The following DIAPH3 variants were observed in gnomAD, a reference collection of about 807,000 sequenced individuals.
DIAPH3 encodes the protein diaphanous related formin 3.
DIAPH3 carries 117 observed loss-of-function variants against 144.3 expected under a neutral mutation model. The ratio of observed to expected loss-of-function variants is 0.81; its 90% CI spans 0.70 to 0.95. The LOEUF (loss-of-function observed/expected upper bound fraction) is 0.95, where lower values mean the gene tolerates loss of function less well. Ranked by LOEUF, DIAPH3 falls within the 40% of genes least tolerant of loss-of-function variation. The probability of loss-of-function intolerance (pLI) is 0.00; values close to 1 mark genes in which losing one functional copy is unlikely to be tolerated. For missense variants in DIAPH3, 1,421 were observed against 1,412.7 expected, an observed-to-expected ratio of 1.01 and a Z score of -0.09; for synonymous variants, 519 against 488.9, an observed-to-expected ratio of 1.06 and a Z score of -0.81.
rs558447209 is a variant in DIAPH3 at position 59,822,141 on chromosome 13, AATAG to A, written c.3027+10962_3027+10965del. On this transcript the variant is annotated intron_variant, in intron 24 of 27. Coordinates refer to ENST00000400324, the MANE Select transcript of DIAPH3 (RefSeq NM_001042517.2). ...TACTTCAACCTATTCACATTTCTTTAATAGATAAAGTATAAGATGTTTGTAATAA... is the reference window on the plus strand; with the variant it reads ...TACTTCAACCTATTCACATTTCTTTAATAAAGTATAAGATGTTTGTAATAA... Among the ~76,000 whole-genome samples, 197 of 152,278 alleles carry A rather than the reference AATAG, an allele frequency of 1.3e-3. 1 individual carries two copies. Among genetic ancestry groups the A allele is most frequent in the Admixed American group, 0.011 (164 of 15,284 alleles).
chr13:59,762,143 C>A (rs1463925980), intron 27 of DIAPH3, among the ~76,000 whole-genome samples: 1 of 140,560 alleles, frequency 7.1e-6, no homozygotes, highest in African/African-American at 2.6e-5. Context: ...ACTGCAACCT[C>A]TTCCTCCTGA....
chr13:59,949,492 A>G (rs2048989510), intron 17 of DIAPH3, among the ~76,000 whole-genome samples: 1 of 152,210 alleles, frequency 6.6e-6, no homozygotes, highest in Admixed American at 6.6e-5. Context: ...AATCTGAAAT[A>G]AAACCTCAGT....
intron 27 of DIAPH3, among the ~76,000 whole-genome samples, chr13:59,677,776 G>A (rs975479237): frequency 2.6e-5 from 4 of 152,122 alleles, no homozygotes; most frequent in Admixed American, 1.3e-4. Flanking sequence ...ATTTTATTGT[G>A]ATTTTGTTTC....
chr13:59,958,852 C>T (rs558986724), intron 17 of DIAPH3, among the ~76,000 whole-genome samples: 2 of 140,874 alleles, frequency 1.4e-5, no homozygotes, highest in South Asian at 4.8e-4. Flanking sequence ...TGATATAGAT[C>T]TAAACTTCAA....
chr13:59,985,706 G>C (rs1186721687), intron 12 of DIAPH3, among the ~76,000 whole-genome samples: 1 of 77,008 alleles, frequency 1.3e-5, no homozygotes, highest in Non-Finnish European at 2.7e-5. Flanking sequence ...CAAATCATGA[G>C]TGAACTCCCA....
At chr13:59,851,711 CT>C (rs2042985037) in intron 22 of DIAPH3, among the ~76,000 whole-genome samples, 2 of 150,796 alleles carry the variant, frequency 1.3e-5, no homozygotes. Flanking sequence ...CAACCTCCGC[CT>C]CCCGGGTCCA....
At position 60,009,005 on chromosome 13, in the gene DIAPH3, G is replaced by A. The variant is rs1312658799; in HGVS notation, c.909-356C>T. 2.0e-5 allele frequency among the ~76,000 whole-genome samples: 3 copies of A among 152,070 alleles called. No homozygotes were observed. In the East Asian group the frequency reaches 5.8e-4, roughly 29 times the overall value. ...GATTAGGAGACTAAGGCAGAAAAAG[G>A]TTAAGCAATCTGTCCAAGGTCTCAT... On this transcript the variant is annotated intron_variant, in intron 8 of 27. Transcript: ENST00000400324.
chr13:60,133,491 T>C (rs1474549290), intron 1 of DIAPH3, among the ~76,000 whole-genome samples: 2 of 152,154 alleles, frequency 1.3e-5, no homozygotes, highest in South Asian at 2.1e-4. Flanking sequence ...CTGGCTTAAT[T>C]AACTTAAACA....
intron 20 of DIAPH3, among the ~76,000 whole-genome samples, chr13:59,887,871 T>G (rs1275949577): frequency 3.3e-5 from 5 of 152,120 alleles, no homozygotes; most frequent in Non-Finnish European, 7.4e-5. Flanking sequence ...GCTTCATAAA[T>G]TTTGATGCTC....
intron 27 of DIAPH3, among the ~76,000 whole-genome samples, chr13:59,752,516 C>CA (rs1459136167): frequency 6.6e-6 from 1 of 152,002 alleles, no homozygotes; most frequent in African/African-American, 2.4e-5. Context: ...TACAGGTGCA[C>CA]ACCAGCACAC....
chr13:59,762,052 C>CTTTTTTTTTTTTTTTTTTTTTTTTT (rs35387511), intron 27 of DIAPH3, among the ~76,000 whole-genome samples: 6 of 59,518 alleles, frequency 1.0e-4, no homozygotes, highest in Admixed American at 5.0e-4. Flanking sequence ...GCGTCAGCAT[C>CTTTTTTTTTTTTTTTTTTTTTTTTT]TTTTTTTTTT....
intron 27 of DIAPH3, among the ~76,000 whole-genome samples, chr13:59,712,549 C>T (rs1403687055): frequency 2.6e-5 from 4 of 152,322 alleles, no homozygotes; most frequent in African/African-American, 7.2e-5. Flanking sequence ...CTCGGGCCCC[C>T]TCAATCCATT....
chr13:59,756,170 T>C (rs948135853), intron 27 of DIAPH3, among the ~76,000 whole-genome samples: 2 of 152,116 alleles, frequency 1.3e-5, no homozygotes, highest in African/African-American at 4.8e-5. Flanking sequence ...GTAATTCTGG[T>C]GCATGCTGAA....
At chr13:59,822,907 A>AT (rs137972755) in intron 24 of DIAPH3, among the ~76,000 whole-genome samples, 2,486 of 150,836 alleles carry the variant, frequency 0.016, 57 homozygotes, top group African/African-American at 0.055. Context: ...CATTTTATTC[A>AT]TTTTTTTTTG....
At chr13:60,158,667 T>C (rs967489342) in intron 1 of DIAPH3, among the ~76,000 whole-genome samples, 1 of 151,968 alleles carries the variant, frequency 6.6e-6, no homozygotes, top group Non-Finnish European at 1.5e-5. Flanking sequence ...CATTCCACAA[T>C]CTGGACTGGC....
chr13:59,711,247 T>G (rs776338756), intron 27 of DIAPH3, among the ~76,000 whole-genome samples: 1 of 152,186 alleles, frequency 6.6e-6, no homozygotes, highest in Admixed American at 6.5e-5. Context: ...CAACCACATT[T>G]AAAAACTCCT....
At chr13:60,142,912 A>AT (rs35260170) in intron 1 of DIAPH3, among the ~76,000 whole-genome samples, 14 of 143,598 alleles carry the variant, frequency 9.7e-5, no homozygotes, top group East Asian at 4.1e-4. Flanking sequence ...CATGCCCCAC[A>AT]TTTTTTTTTT....
chr13:59,993,351 T>C (rs1030415763), intron 9 of DIAPH3, among the ~76,000 whole-genome samples: 1 of 151,888 alleles, frequency 6.6e-6, no homozygotes, highest in Non-Finnish European at 1.5e-5. Context: ...ACAGTCTTTC[T>C]AGAGAAGCAT....
At chr13:59,722,757 G>C (rs1253218090) in intron 27 of DIAPH3, among the ~76,000 whole-genome samples, 1 of 152,152 alleles carries the variant, frequency 6.6e-6, no homozygotes, top group East Asian at 1.9e-4. Context: ...TGAGGTTCTG[G>C]AGCCAGCAGC....
Sources: allele counts gnomAD v4.1 joint callset (sites outside exome capture counted in the v4.1 genomes callset), GRCh38; gene constraint gnomAD v4.1.1; transcripts MANE v1.5; gene names NCBI Gene and HGNC (gene_info 2026-07-23, HGNC 2026-07-21).